SPATS2L: variants seen among roughly 807,000 people sequenced by gnomAD.
SPATS2L encodes the protein SPATS2-like protein.
Under a neutral mutation model 59.6 loss-of-function variants are expected in SPATS2L, and 30 were observed. That is an observed-to-expected ratio of 0.50 (90% CI 0.38 to 0.68). SPATS2L has a LOEUF of 0.68. SPATS2L is among the 30% of genes least tolerant of loss of function. The pLI, the probability that SPATS2L is intolerant of heterozygous loss-of-function variation, is 0.00. For missense variants in SPATS2L, 615 were observed against 700.0 expected, an observed-to-expected ratio of 0.88 and a Z score of 1.37; for synonymous variants, 252 against 263.5, an observed-to-expected ratio of 0.96 and a Z score of 0.42.
intron 2 of SPATS2L, chr2:200,378,382 G>T: frequency 1.0e-6 from 1 of 1,002,432 alleles, no homozygotes; most frequent in Non-Finnish European, 1.2e-6. Context: ...GTGAGTTGAG[G>T]TTGCATTTGC....
intron 1 of SPATS2L, among the ~76,000 whole-genome samples, chr2:200,311,555 A>T (rs1237006339): frequency 6.6e-6 from 1 of 152,214 alleles, no homozygotes; most frequent in Non-Finnish European, 1.5e-5. Flanking sequence ...AAAATTTCAG[A>T]CTGTATTTAT....
chr2:200,312,137 A>G (rs1412803229), intron 1 of SPATS2L, among the ~76,000 whole-genome samples: 1 of 152,222 alleles, frequency 6.6e-6, no homozygotes, highest in African/African-American at 2.4e-5. Flanking sequence ...CTATGACACA[A>G]AGCAAAAAAT....
intron 2 of SPATS2L, among the ~76,000 whole-genome samples, chr2:200,332,736 AT>A (rs925226333): frequency 3.8e-4 from 45 of 118,598 alleles, no homozygotes; most frequent in East Asian, 3.5e-3. Flanking sequence ...AATTCATTAT[AT>A]TTTTTTTTTG....
chr2:200,396,093 G>A (rs574065755), intron 3 of SPATS2L, among the ~76,000 whole-genome samples: 4 of 92,552 alleles, frequency 4.3e-5, no homozygotes, highest in Non-Finnish European at 6.4e-5. Context: ...AGATTGGAAA[G>A]AAAAAGTAAA....
intron 3 of SPATS2L, among the ~76,000 whole-genome samples, chr2:200,401,586 A>G (rs1017000162): frequency 6.6e-6 from 1 of 152,108 alleles, no homozygotes; most frequent in African/African-American, 2.4e-5. Context: ...TTAAAAAGAG[A>G]TCTGTCCTGT....
chr2:200,417,479 T>A (rs923521541), intron 5 of SPATS2L, among the ~76,000 whole-genome samples: 6 of 152,260 alleles, frequency 3.9e-5, no homozygotes, highest in Admixed American at 2.0e-4. Context: ...TAGACTTACA[T>A]AGAAAAATTT....
intron 8 of SPATS2L, among the ~76,000 whole-genome samples, chr2:200,448,228 G>GGT (rs2085190180): frequency 6.6e-6 from 1 of 152,164 alleles, no homozygotes; most frequent in Non-Finnish European, 1.5e-5. Flanking sequence ...GATCACTTGA[G>GGT]GTCAGGAGTT....
chr2:200,313,736 G>A (rs989986432), intron 1 of SPATS2L, among the ~76,000 whole-genome samples: 8 of 152,068 alleles, frequency 5.3e-5, no homozygotes, highest in African/African-American at 1.7e-4. Context: ...TACACATCCC[G>A]CACCTCGCCA....
At chr2:200,335,893 G>A (rs1418524058) in intron 2 of SPATS2L, among the ~76,000 whole-genome samples, 2 of 152,142 alleles carry the variant, frequency 1.3e-5, no homozygotes, top group Non-Finnish European at 2.9e-5. Flanking sequence ...GTATTGCCTG[G>A]GGCATAGGCG....
chr2:200,466,138 T>C (rs2086586099), intron 9 of SPATS2L, among the ~76,000 whole-genome samples: 1 of 152,282 alleles, frequency 6.6e-6, no homozygotes, highest in African/African-American at 2.4e-5. Flanking sequence ...GCTTTTGCAG[T>C]GACTATCTTT....
intron 2 of SPATS2L, among the ~76,000 whole-genome samples, chr2:200,353,674 T>C (rs112095656): frequency 2.7e-5 from 4 of 145,802 alleles, no homozygotes; most frequent in African/African-American, 1.0e-4. Context: ...AGCTTATCCC[T>C]AAAAAAAAAA....
intron 6 of SPATS2L, among the ~76,000 whole-genome samples, chr2:200,436,784 A>G (rs965339986): frequency 6.6e-6 from 1 of 152,108 alleles, no homozygotes; most frequent in Non-Finnish European, 1.5e-5. Flanking sequence ...TCTGTGTTTT[A>G]AATTTGATAT....
At chr2:200,348,578 G>A (rs1352211324) in intron 2 of SPATS2L, among the ~76,000 whole-genome samples, 1 of 152,222 alleles carries the variant, frequency 6.6e-6, no homozygotes, top group Non-Finnish European at 1.5e-5. Context: ...AGTGGGGCTA[G>A]GTGGAGGTGA....
At chr2:200,306,365 T>G, upstream of SPATS2L, 1 of 1,001,048 alleles carries the variant, frequency 1.0e-6, no homozygotes, top group Non-Finnish European at 1.2e-6. Context: ...GGAGTTTCGG[T>G]GAAGTGGAGG....
At chr2:200,338,303 G>A (rs1291896345) in intron 2 of SPATS2L, among the ~76,000 whole-genome samples, 1 of 152,214 alleles carries the variant, frequency 6.6e-6, no homozygotes, top group Non-Finnish European at 1.5e-5. Context: ...AGGATTACAG[G>A]TGTGAGCCAC....
chr2:200,349,695 C>T (rs1317217534), intron 2 of SPATS2L, among the ~76,000 whole-genome samples: 1 of 152,180 alleles, frequency 6.6e-6, no homozygotes, highest in Non-Finnish European at 1.5e-5. Context: ...TCTCAATGCC[C>T]AGGTCAGGGG....
At chr2:200,323,288 G>C (rs1318746382) in intron 1 of SPATS2L, among the ~76,000 whole-genome samples, 1 of 152,184 alleles carries the variant, frequency 6.6e-6, no homozygotes, top group Non-Finnish European at 1.5e-5. Context: ...TATATAGTCA[G>C]AGATCATTTG....
chr2:200,315,097 AC>A (rs2079324076), intron 1 of SPATS2L, among the ~76,000 whole-genome samples: 1 of 152,232 alleles, frequency 6.6e-6, no homozygotes, highest in Admixed American at 6.5e-5. Context: ...TTGTTAGGGA[AC>A]ATCTCATTCC....
chr2:200,467,547 G>T, intron 10 of SPATS2L, 148 bp downstream of exon 10: 1 of 619,472 alleles, frequency 1.6e-6, no homozygotes, highest in East Asian at 2.8e-5. Context: ...AACACAGAAG[G>T]GGGAAGACCC....
Sources: gnomAD v4.1 joint callset for allele counts (sites outside exome capture counted in the v4.1 genomes callset) on GRCh38, gnomAD v4.1.1 for gene constraint, MANE v1.5 for transcripts, NCBI Gene and HGNC (gene_info 2026-07-23, HGNC 2026-07-21) for gene names.